The following RAB21 variants were observed in gnomAD, a reference collection of about 807,000 sequenced individuals.
RAB21 encodes RAB21, member RAS oncogene family, also known as ras-related protein Rab-21.
In RAB21, 13 loss-of-function variants were observed where a neutral mutation model predicts 33.1. That is an observed-to-expected ratio of 0.39 (90% CI 0.26 to 0.62). The LOEUF (loss-of-function observed/expected upper bound fraction) is 0.62, where lower values mean the gene tolerates loss of function less well. RAB21 is among the 20% of genes least tolerant of loss of function. The pLI is 0.48. For missense variants in RAB21, 234 were observed against 279.1 expected, an observed-to-expected ratio of 0.84 and a Z score of 1.15; for synonymous variants, 91 against 103.7, an observed-to-expected ratio of 0.88 and a Z score of 0.74.
rs1269482278 is a variant in RAB21 at position 71,797,663 on chromosome 12, A to G, written c.*11990A>G. On this transcript the variant is annotated 3_prime_UTR_variant, in exon 7 of 7. Coordinates refer to ENST00000261263, the MANE Select transcript of RAB21 (RefSeq NM_014999.4). ...AAAGCAAGACTAGCCAGGAAAACTGAAAAAACAATGAGGAAAGACTGGCCT... is the reference window on the plus strand; with the variant it reads ...AAAGCAAGACTAGCCAGGAAAACTGGAAAAACAATGAGGAAAGACTGGCCT... 6.6e-6 allele frequency: 1 copy of G among 151,736 alleles called. No individual in the cohort carries two copies. Among genetic ancestry groups the G allele is most frequent in the Non-Finnish European group, 1.5e-5 (1 of 67,950 alleles). 9.4% of individuals were successfully genotyped at this position (151,736 alleles called of 1,614,324 possible).
At position 71,800,264 on chromosome 12, in the gene RAB21, T is replaced by A. The variant is rs1883521587; in HGVS notation, c.*14591T>A. 6.6e-6 allele frequency: 1 copy of A among 152,152 alleles called. No homozygotes were observed. The highest frequency in any genetic ancestry group is 1.5e-5 in the Non-Finnish European group (1 of 68,036). The allele number at this position is 152,152 out of a possible 1,614,324, so 9.4% of individuals were successfully genotyped here. A position where few individuals can be genotyped will look rare whatever the true frequency, so the allele number is the denominator to read the frequency against. ...AGTTTGAATTTTCTATAATTTTATA[T>A]AAATAAAATCATATAACATGTATAC... On this transcript the variant is annotated 3_prime_UTR_variant, in exon 7 of 7. Coordinates refer to ENST00000261263, the MANE Select transcript of RAB21 (RefSeq NM_014999.4).
intron 4 of RAB21, among the ~76,000 whole-genome samples, chr12:71,779,701 C>A (rs570086980): frequency 6.6e-6 from 1 of 152,252 alleles, no homozygotes; most frequent in Non-Finnish European, 1.5e-5. Flanking sequence ...TAGAGGGTAG[C>A]TTTTTCCCTC....
chr12:71,765,744 C>T (rs1008556097), intron 1 of RAB21, among the ~76,000 whole-genome samples: 5 of 151,966 alleles, frequency 3.3e-5, no homozygotes, highest in African/African-American at 7.2e-5. Flanking sequence ...TATGCTTTGT[C>T]GAAGATCAGG....
intron 1 of RAB21, among the ~76,000 whole-genome samples, chr12:71,758,954 C>A (rs1312679820): frequency 2.0e-5 from 3 of 152,164 alleles, no homozygotes; most frequent in African/African-American, 7.2e-5. Flanking sequence ...AGAAGAGATT[C>A]TCTGAGCTTT....
intron 1 of RAB21, among the ~76,000 whole-genome samples, chr12:71,765,437 C>T (rs1882945427): frequency 6.6e-6 from 1 of 152,106 alleles, no homozygotes. Flanking sequence ...TTTTGCTGTG[C>T]AGAAGCGTTT....
intron 1 of RAB21, among the ~76,000 whole-genome samples, chr12:71,764,842 T>G (rs1034360082): frequency 2.6e-5 from 4 of 152,230 alleles, no homozygotes; most frequent in African/African-American, 9.6e-5. Context: ...CGCATATTCT[T>G]TATTCACTTG....
At chr12:71,758,362 A>G (rs964454246) in intron 1 of RAB21, among the ~76,000 whole-genome samples, 10 of 151,588 alleles carry the variant, frequency 6.6e-5, no homozygotes, top group South Asian at 2.1e-4. Flanking sequence ...TTTCAGTCCT[A>G]ATTCTCCCCA....
Position 71,798,989 on chromosome 12 carries a change from GT to G in RAB21, c.*13320del, listed in dbSNP as rs1352315723. 6.6e-6 allele frequency: 1 copy of G among 152,250 alleles called. No individual in the cohort carries two copies. The highest frequency in any genetic ancestry group is 6.5e-5 in the Admixed American group (1 of 15,282). The allele number at this position is 152,250 out of a possible 1,614,324, so 9.4% of individuals were successfully genotyped here. On this transcript the variant is annotated 3_prime_UTR_variant, in exon 7 of 7. Coordinates refer to ENST00000261263, the MANE Select transcript of RAB21 (RefSeq NM_014999.4). ...AAGGCAAAAGTGAAGCAGAGGCCAA[GT>G]TTTGAAGTTCTTGAATGTTACGAGG...
At chr12:71,764,530 T>C (rs1010648436) in intron 1 of RAB21, among the ~76,000 whole-genome samples, 3 of 152,296 alleles carry the variant, frequency 2.0e-5, no homozygotes, top group Middle Eastern at 3.4e-3. Flanking sequence ...AGTTCTTTAG[T>C]GGTGATTTCT....
Position 71,787,115 on chromosome 12 carries a change from G to A in RAB21, c.*1442G>A, listed in dbSNP as rs1438904983. ...TCATTGCTTGCCAGAGATGAACACA[G>A]AATGTTCTGTTTCATTTTACAAGAA... On this transcript the variant is annotated 3_prime_UTR_variant, in exon 7 of 7. Transcript: ENST00000261263. 6.6e-6 allele frequency: 1 copy of A among 152,174 alleles called. No individual in the cohort carries two copies. Among genetic ancestry groups the A allele is most frequent in the Non-Finnish European group, 1.5e-5 (1 of 68,028 alleles). 9.4% of individuals were successfully genotyped at this position (152,174 alleles called of 1,614,324 possible).
intron 1 of RAB21, among the ~76,000 whole-genome samples, chr12:71,763,325 A>G (rs1882907716): frequency 6.6e-6 from 1 of 152,170 alleles, no homozygotes; most frequent in Non-Finnish European, 1.5e-5. Context: ...GTTAGCAAGC[A>G]CAGCAAATGG....
chr12:71,756,152 G>T (rs1403232293), intron 1 of RAB21, among the ~76,000 whole-genome samples: 2 of 152,170 alleles, frequency 1.3e-5, no homozygotes, highest in East Asian at 1.9e-4. Context: ...TTGGTCAAAG[G>T]CAGTAAAGTC....
intron 6 of RAB21, 99 bp from the exon 7 acceptor site, chr12:71,785,432 G>A (rs1187490760): frequency 1.3e-5 from 18 of 1,374,670 alleles, no homozygotes; most frequent in Admixed American, 9.1e-5. Context: ...TTTGTTGGTC[G>A]AAAGTCAGAA....
At chr12:71,773,530 A>C (rs1316223745) in intron 3 of RAB21, among the ~76,000 whole-genome samples, 2 of 152,078 alleles carry the variant, frequency 1.3e-5, no homozygotes, top group Non-Finnish European at 2.9e-5. Flanking sequence ...TTTGTCTTTA[A>C]GTGTGTGACA....
chr12:71,783,509 A>T (rs936366718), intron 6 of RAB21, among the ~76,000 whole-genome samples: 4 of 151,870 alleles, frequency 2.6e-5, no homozygotes, highest in African/African-American at 9.7e-5. Context: ...AAAACCCTCA[A>T]GTCATTCATA....
At chr12:71,769,494 A>T (rs1883009220) in intron 1 of RAB21, among the ~76,000 whole-genome samples, 1 of 152,218 alleles carries the variant, frequency 6.6e-6, no homozygotes, top group South Asian at 2.1e-4. Context: ...GTGATAAGGT[A>T]GCATCAAATT....
Position 71,755,300 on chromosome 12 carries a change from G to A in RAB21, c.159+12G>A. 6.6e-7 allele frequency: 1 copy of A among 1,505,402 alleles called. No individual in the cohort carries two copies. Among genetic ancestry groups the A allele is most frequent in the Non-Finnish European group, 8.8e-7 (1 of 1,130,360 alleles). 93.3% of individuals were successfully genotyped at this position (1,505,402 alleles called of 1,614,324 possible). A position where few individuals can be genotyped will look rare whatever the true frequency, so the allele number is the denominator to read the frequency against. On this transcript the variant is annotated intron_variant, in intron 1 of 6. Transcript: ENST00000261263. ...TCACCACTCTGCAGGTGCGGACCTC[G>A]GGGAGCGGGAGGGGGCGCCTCAGGG...
rs1883405695 is a variant in RAB21 at position 71,792,756 on chromosome 12, A to G, written c.*7083A>G. ...ACATACATGGGAGAACCAGATAGCCAAAGTGCCTTCCTTTATCGTTGGAAC... is the reference window on the plus strand; with the variant it reads ...ACATACATGGGAGAACCAGATAGCCGAAGTGCCTTCCTTTATCGTTGGAAC... On this transcript the variant is annotated 3_prime_UTR_variant, in exon 7 of 7. Coordinates refer to ENST00000261263, the MANE Select transcript of RAB21 (RefSeq NM_014999.4). 6.6e-6 allele frequency: 1 copy of G among 152,250 alleles called. No homozygotes were observed. The highest frequency in any genetic ancestry group is 2.4e-5 in the African/African-American group (1 of 41,458). 9.4% of individuals were successfully genotyped at this position (152,250 alleles called of 1,614,324 possible). A position where few individuals can be genotyped will look rare whatever the true frequency, so the allele number is the denominator to read the frequency against.
At chr12:71,767,504 G>GTTTTGT (rs1033708814) in intron 1 of RAB21, among the ~76,000 whole-genome samples, 66 of 152,038 alleles carry the variant, frequency 4.3e-4, no homozygotes, top group African/African-American at 1.5e-3. Context: ...TTTTTTGTTT[G>GTTTTGT]TTTTGTTTTT....
Sources: allele counts gnomAD v4.1 joint callset (sites outside exome capture counted in the v4.1 genomes callset), GRCh38; gene constraint gnomAD v4.1.1; transcripts MANE v1.5; gene names NCBI Gene and HGNC (gene_info 2026-07-23, HGNC 2026-07-21).